SOX6: variants seen among roughly 807,000 people sequenced by gnomAD.
SOX6 encodes the protein transcription factor SOX-6.
In SOX6, 11 loss-of-function variants were observed where a neutral mutation model predicts 97.8. The ratio of observed to expected loss-of-function variants is 0.11; its 90% CI spans 0.07 to 0.19. The LOEUF (loss-of-function observed/expected upper bound fraction) is 0.19. Ranked by LOEUF, SOX6 falls within the 10% of genes least tolerant of loss-of-function variation. The probability of loss-of-function intolerance (pLI) is 1.00; values close to 1 mark genes in which losing one functional copy is unlikely to be tolerated. For synonymous variants in SOX6, 360 were observed against 371.4 expected, an observed-to-expected ratio of 0.97 and a Z score of 0.35; for missense variants, 810 against 1,039.5, an observed-to-expected ratio of 0.78 and a Z score of 3.04.
intron 12 of SOX6, among the ~76,000 whole-genome samples, chr11:16,038,016 A>G (rs1227853686): frequency 1.3e-5 from 2 of 152,198 alleles, no homozygotes; most frequent in Non-Finnish European, 2.9e-5. Flanking sequence ...GAAGGAAAAT[A>G]TTAAAATTTT....
At chr11:16,675,649 G>T (rs1847879147) in intron 3 of SOX6, among the ~76,000 whole-genome samples, 1 of 152,138 alleles carries the variant, frequency 6.6e-6, no homozygotes, top group Non-Finnish European at 1.5e-5. Context: ...GTCTACTAGA[G>T]ATAAACTCAG....
At chr11:16,705,630 G>A (rs905483362) in intron 3 of SOX6, among the ~76,000 whole-genome samples, 5 of 145,436 alleles carry the variant, frequency 3.4e-5, no homozygotes, top group African/African-American at 1.2e-4. Flanking sequence ...CCACCTCTAG[G>A]GGGAAAAAAA....
At chr11:16,615,733 A>G (rs1258566310) in intron 3 of SOX6, among the ~76,000 whole-genome samples, 2 of 152,210 alleles carry the variant, frequency 1.3e-5, no homozygotes, top group Admixed American at 1.3e-4. Flanking sequence ...CTATCTGAAA[A>G]TATATCTATT....
chr11:16,181,228 A>T (rs1851337623), intron 6 of SOX6, among the ~76,000 whole-genome samples: 1 of 151,634 alleles, frequency 6.6e-6, no homozygotes, highest in African/African-American at 2.4e-5. Context: ...AGGTTCTAGG[A>T]CTCAAGATAT....
intron 3 of SOX6, 52 bp from the exon 4 acceptor site, chr11:16,234,723 G>T: frequency 9.0e-7 from 1 of 1,108,906 alleles, no homozygotes; most frequent in South Asian, 1.6e-5. Context: ...TACAAATTTA[G>T]AAAGTCAGTT....
At chr11:16,424,963 G>A (rs1165216673) in intron 1 of SOX6, among the ~76,000 whole-genome samples, 13 of 152,270 alleles carry the variant, frequency 8.5e-5, no homozygotes, top group Admixed American at 4.6e-4. Flanking sequence ...CAAAACAACG[G>A]GCAGCTGTGG....
At chr11:16,414,206 T>TC (rs1858879646) in intron 1 of SOX6, among the ~76,000 whole-genome samples, 2 of 152,182 alleles carry the variant, frequency 1.3e-5, no homozygotes, top group Non-Finnish European at 2.9e-5. Flanking sequence ...ATGTGCCAAT[T>TC]CCTTCTTTTT....
intron 3 of SOX6, among the ~76,000 whole-genome samples, chr11:16,713,206 G>T (rs1379077995): frequency 1.3e-5 from 2 of 151,914 alleles, no homozygotes; most frequent in African/African-American, 4.8e-5. Context: ...GTATGAGGTG[G>T]CCAAAAATAT....
At chr11:16,427,099 G>T (rs1859156847) in intron 1 of SOX6, among the ~76,000 whole-genome samples, 1 of 151,908 alleles carries the variant, frequency 6.6e-6, no homozygotes, top group Admixed American at 6.5e-5. Flanking sequence ...AGAAGCAATT[G>T]CAACAAAAGC....
At chr11:16,321,098 G>T (rs1004746670) in intron 2 of SOX6, among the ~76,000 whole-genome samples, 1 of 152,102 alleles carries the variant, frequency 6.6e-6, no homozygotes, top group Admixed American at 6.6e-5. Context: ...TTCTCCACTT[G>T]TGTGAATGAA....
chr11:16,291,097 T>C (rs1758081808), intron 3 of SOX6, among the ~76,000 whole-genome samples: 2 of 151,936 alleles, frequency 1.3e-5, no homozygotes, highest in African/African-American at 4.8e-5. Flanking sequence ...AATATTTCTA[T>C]AAATAGAATG....
chr11:16,686,538 T>C (rs759237257), intron 3 of SOX6, among the ~76,000 whole-genome samples: 9 of 152,230 alleles, frequency 5.9e-5, no homozygotes, highest in Non-Finnish European at 1.3e-4. Flanking sequence ...TTTATTCCAG[T>C]TCCTAATAAG....
At chr11:16,052,806 G>A (rs1439467104) in intron 10 of SOX6, among the ~76,000 whole-genome samples, 2 of 152,062 alleles carry the variant, frequency 1.3e-5, no homozygotes, top group African/African-American at 4.8e-5. Context: ...ACTAAGTAGG[G>A]GTAATTTTTC....
intron 15 of SOX6, among the ~76,000 whole-genome samples, chr11:15,975,596 C>A (rs1334780408): frequency 1.3e-5 from 2 of 152,268 alleles, no homozygotes; most frequent in East Asian, 1.9e-4. Context: ...GTATTATGTG[C>A]TGGGAACTAT....
chr11:16,337,571 GC>G (rs1361594048), intron 2 of SOX6, among the ~76,000 whole-genome samples: 1 of 152,062 alleles, frequency 6.6e-6, no homozygotes, highest in East Asian at 1.9e-4. Flanking sequence ...ACATTCCTCT[GC>G]AAAAAAGGTA....
At chr11:16,137,158 G>A (rs1013891452) in intron 6 of SOX6, among the ~76,000 whole-genome samples, 5 of 152,148 alleles carry the variant, frequency 3.3e-5, no homozygotes, top group African/African-American at 9.7e-5. Flanking sequence ...TGTGGGGGCC[G>A]GGAGCAGTGG....
At chr11:16,170,681 G>A (rs1225521502) in intron 6 of SOX6, among the ~76,000 whole-genome samples, 1 of 152,000 alleles carries the variant, frequency 6.6e-6, no homozygotes, top group Non-Finnish European at 1.5e-5. Flanking sequence ...GAACACAGGG[G>A]CACATGTTCT....
intron 12 of SOX6, among the ~76,000 whole-genome samples, chr11:16,034,991 T>C (rs538156313): frequency 2.0e-5 from 3 of 151,752 alleles, no homozygotes; most frequent in Non-Finnish European, 4.4e-5. Context: ...ACAGGCAAAA[T>C]AAATGCACAT....
chr11:16,132,428 A>AG (rs1849818692), intron 6 of SOX6, among the ~76,000 whole-genome samples: 3 of 106,318 alleles, frequency 2.8e-5, no homozygotes, highest in African/African-American at 1.3e-4. Flanking sequence ...AAAGAAAGAA[A>AG]GAAAGAAAGA....
Sources: allele counts gnomAD v4.1 joint callset (sites outside exome capture counted in the v4.1 genomes callset), GRCh38; gene constraint gnomAD v4.1.1; transcripts MANE v1.5; gene names NCBI Gene and HGNC (gene_info 2026-07-23, HGNC 2026-07-21).